Variants in CYTH3 observed in about 807,000 individuals in gnomAD.
The protein encoded by CYTH3 is cytohesin 3.
Under a neutral mutation model 55.1 loss-of-function variants are expected in CYTH3, and 23 were observed. The ratio of observed to expected loss-of-function variants is 0.42; its 90% CI spans 0.30 to 0.59. The LOEUF (loss-of-function observed/expected upper bound fraction) is 0.59, where lower values mean the gene tolerates loss of function less well. Ranked by LOEUF, CYTH3 falls within the 20% of genes least tolerant of loss-of-function variation. CYTH3 has a pLI of 0.20. For synonymous variants in CYTH3, 249 were observed against 194.9 expected (o/e 1.28, Z -2.31); for missense variants, 413 against 524.8 (o/e 0.79, Z 2.08).
At chr7:6,182,302 G>A (rs190575025) in intron 4 of CYTH3, among the ~76,000 whole-genome samples, 4 of 152,032 alleles carry the variant, frequency 2.6e-5, no homozygotes, top group Admixed American at 1.3e-4. Context: ...CACCCACCCC[G>A]GCCTCCCAAA....
At chr7:6,211,021 T>A (rs1784308399) in intron 1 of CYTH3, among the ~76,000 whole-genome samples, 1 of 152,202 alleles carries the variant, frequency 6.6e-6, no homozygotes. Context: ...CTCATGAAAA[T>A]ATAAATCAAA....
Position 6,259,774 on chromosome 7 carries a change from AT to A in CYTH3, c.34+12699del, listed in dbSNP as rs1780260591. ...TATATATATTATATATATATATATTATATATATATAATATATATATATATAT... is the reference window on the plus strand; with the variant it reads ...TATATATATTATATATATATATATTAATATATATAATATATATATATATAT... On this transcript the variant is annotated intron_variant, in intron 1 of 12. Transcript: ENST00000350796. Among the ~76,000 whole-genome samples the A allele has an allele frequency of 2.6e-4, 6 of 22,712 alleles. 2 individuals carry two copies. Among genetic ancestry groups the A allele is most frequent in the East Asian group, 2.2e-3 (1 of 462 alleles). 14.9% of individuals were successfully genotyped at this position (22,712 alleles called of 152,430 possible).
intron 1 of CYTH3, among the ~76,000 whole-genome samples, chr7:6,224,579 G>A (rs909276562): frequency 3.3e-5 from 5 of 152,236 alleles, no homozygotes; most frequent in Admixed American, 3.3e-4. Flanking sequence ...TGGCAAGGAT[G>A]TAAGGAAATT....
chr7:6,232,600 A>G (rs1308302683), intron 1 of CYTH3, among the ~76,000 whole-genome samples: 1 of 152,186 alleles, frequency 6.6e-6, no homozygotes, highest in East Asian at 1.9e-4. Context: ...CAAGAAACAG[A>G]CAATTTGGAA....
In CYTH3 at chr7:6,181,447, C is replaced by T. The variant is rs560959911; in HGVS notation, c.250-3506G>A. On this transcript the variant is annotated intron_variant, in intron 4 of 12. Coordinates refer to ENST00000350796, the MANE Select transcript of CYTH3 (RefSeq NM_004227.4). ...TTTCCTCAGGCCTTGGCAGGCACTG[C>T]TCCCCTCCTGTCTTTGATCCAGCAT... Among the ~76,000 whole-genome samples, 16 of 152,174 alleles carry T rather than the reference C, an allele frequency of 1.1e-4. 1 individual carries two copies. Among genetic ancestry groups the T allele is most frequent in the Admixed American group, 7.2e-4 (11 of 15,278 alleles).
In CYTH3 at chr7:6,171,340, A is replaced by C. The variant is rs983266829; in HGVS notation, c.450-26T>G. 1.9e-6 allele frequency: 3 copies of C among 1,610,646 alleles called. No homozygotes were observed. The highest frequency in any genetic ancestry group is 2.5e-6 in the Non-Finnish European group (3 of 1,177,208). On this transcript the variant is annotated intron_variant, in intron 6 of 12. Coordinates refer to ENST00000350796, the MANE Select transcript of CYTH3 (RefSeq NM_004227.4). The surrounding 1 kb of genome is among the most constrained non-coding windows in gnomAD (Gnocchi z 6.7). ...CTGTGGAGACACCAAAGCCATGGGAAGCCGCATCAGAACCAACACCGCCTC... is the reference window on the plus strand; with the variant it reads ...CTGTGGAGACACCAAAGCCATGGGACGCCGCATCAGAACCAACACCGCCTC...
At chr7:6,174,554 T>TTG (rs1276217832) in intron 5 of CYTH3, among the ~76,000 whole-genome samples, 4 of 145,198 alleles carry the variant, frequency 2.8e-5, no homozygotes, top group Non-Finnish European at 6.1e-5. Context: ...TTTTTTTTTT[T>TTG]TTTTTTTTTT....
At chr7:6,166,741 G>A (rs112395818) in intron 9 of CYTH3, among the ~76,000 whole-genome samples, 2,263 of 152,240 alleles carry the variant, frequency 0.015, 26 homozygotes, top group Admixed American at 0.052. Context: ...GGCCGGAAGC[G>A]GGTCTCTGCA....
At chr7:6,272,347 C>CGCCGCT (rs1270402537) in intron 1 of CYTH3, 127 bp downstream of exon 1, 5 of 945,020 alleles carry the variant, frequency 5.3e-6, no homozygotes, top group South Asian at 8.7e-5. Context: ...CTCCAGCGGA[C>CGCCGCT]GCCGCTGCCG....
intron 1 of CYTH3, among the ~76,000 whole-genome samples, chr7:6,235,203 T>A (rs1779488250): frequency 6.6e-6 from 1 of 152,132 alleles, no homozygotes. Context: ...GGGCCAGGCG[T>A]AGTGGCTCAC....
intron 1 of CYTH3, among the ~76,000 whole-genome samples, chr7:6,260,774 G>A (rs983362702): frequency 6.6e-5 from 10 of 152,050 alleles, no homozygotes; most frequent in African/African-American, 2.4e-4. Context: ...TCAGTCCTAG[G>A]ATTTTTCTCC....
intron 6 of CYTH3, among the ~76,000 whole-genome samples, 192 bp downstream of exon 6, chr7:6,173,461 G>T (rs540976400): frequency 3.9e-5 from 6 of 152,292 alleles, no homozygotes; most frequent in African/African-American, 1.2e-4. Context: ...TATCTTAAGC[G>T]TGTGCCCCAA....
chr7:6,259,832 A>AT (rs10586697), intron 1 of CYTH3, among the ~76,000 whole-genome samples: 77 of 17,550 alleles, frequency 4.4e-3, no homozygotes, highest in African/African-American at 5.6e-3. Context: ...ATATATATAT[A>AT]TTTTTTTTTT....
In CYTH3 at chr7:6,184,129, C is replaced by T. The variant is rs540756296; in HGVS notation, c.249+2921G>A. Among the ~76,000 whole-genome samples, 3 of 124,262 alleles carry T rather than the reference C, an allele frequency of 2.4e-5. No homozygotes were observed. The East Asian group carries it at 8.1e-4, about 34-fold the overall frequency. The allele number at this position is 124,262 out of a possible 152,430, so 81.5% of individuals were successfully genotyped here. A position where few individuals can be genotyped will look rare whatever the true frequency, so the allele number is the denominator to read the frequency against. Reference sequence around the variant, plus strand: ...AGGCTGGAGTGCAGGGGCGGAATCTCGGCTTACTGCAAGCTCCACCTCCCG... The same window carrying T: ...AGGCTGGAGTGCAGGGGCGGAATCTTGGCTTACTGCAAGCTCCACCTCCCG... On this transcript the variant is annotated intron_variant, in intron 4 of 12. Transcript: ENST00000350796.
intron 6 of CYTH3, chr7:6,173,145 G>C: frequency 9.5e-6 from 8 of 843,018 alleles, no homozygotes; most frequent in Non-Finnish European, 1.2e-5. Context: ...GGAAGGAAGC[G>C]AGACAACTTC....
intron 1 of CYTH3, among the ~76,000 whole-genome samples, chr7:6,219,937 T>C (rs1297457016): frequency 6.6e-6 from 1 of 152,162 alleles, no homozygotes; most frequent in Non-Finnish European, 1.5e-5. Context: ...TTCAAGACTG[T>C]GGTGTTGGCA....
chr7:6,244,365 T>A (rs1410130403), intron 1 of CYTH3, among the ~76,000 whole-genome samples: 1 of 152,264 alleles, frequency 6.6e-6, no homozygotes, highest in South Asian at 2.1e-4. Context: ...TACAGACTAA[T>A]TGCTTTTAGA....
intron 1 of CYTH3, among the ~76,000 whole-genome samples, chr7:6,215,538 C>T (rs1425909354): frequency 6.8e-6 from 1 of 147,846 alleles, no homozygotes; most frequent in Non-Finnish European, 1.5e-5. Flanking sequence ...TGCAGTGAGC[C>T]GAGATCGCGC....
chr7:6,193,112 C>T (rs559162939), intron 1 of CYTH3, among the ~76,000 whole-genome samples: 83 of 152,208 alleles, frequency 5.5e-4, no homozygotes, highest in African/African-American at 1.9e-3. Context: ...GCAAAGGTTG[C>T]AGTGAGCCGA....
Sources: allele counts gnomAD v4.1 joint callset (sites outside exome capture counted in the v4.1 genomes callset), GRCh38; gene constraint gnomAD v4.1.1; non-coding constraint Gnocchi (gnomAD v3.1); transcripts MANE v1.5; gene names NCBI Gene and HGNC (gene_info 2026-07-23, HGNC 2026-07-21).